Variants in PDE4D observed in about 807,000 individuals in gnomAD.
PDE4D encodes the protein 3',5'-cyclic-AMP phosphodiesterase 4D.
A neutral mutation model predicts 87.4 loss-of-function variants in PDE4D; 24 were observed. That is an observed-to-expected ratio of 0.27 (90% confidence interval 0.20 to 0.39). The LOEUF is 0.39. Ranked by LOEUF, PDE4D falls within the 10% of genes least tolerant of loss-of-function variation. The pLI is 1.00. For synonymous variants in PDE4D, 384 were observed against 383.2 expected (o/e 1.00, Z -0.02); for missense variants, 714 against 1,041.0 (o/e 0.69, Z 4.32).
intron 1 of PDE4D, among the ~76,000 whole-genome samples, chr5:59,287,317 G>T (rs550244142): frequency 1.3e-5 from 2 of 151,842 alleles, no homozygotes; most frequent in African/African-American, 4.8e-5. Flanking sequence ...CACAGGGAGA[G>T]ACTCCTCTGC....
intron 5 of PDE4D, among the ~76,000 whole-genome samples, chr5:59,109,114 T>C (rs1772171246): frequency 6.6e-6 from 1 of 151,922 alleles, no homozygotes; most frequent in Admixed American, 6.6e-5. Context: ...TTACTGATAG[T>C]TGTGACCCAC....
chr5:60,499,715 C>G (rs1749979138), intron 1 of PDE4D, among the ~76,000 whole-genome samples: 1 of 152,050 alleles, frequency 6.6e-6, no homozygotes, highest in African/African-American at 2.4e-5. Context: ...ATTTCAGCAA[C>G]CCGATTGGTC....
intron 1 of PDE4D, among the ~76,000 whole-genome samples, chr5:59,256,108 T>C (rs2153532471): frequency 6.6e-6 from 1 of 152,222 alleles, no homozygotes; most frequent in South Asian, 2.1e-4. Flanking sequence ...ATCCTTAAAG[T>C]AATGCAGCTA....
intron 5 of PDE4D, among the ~76,000 whole-genome samples, chr5:59,103,578 CAGGTTGT>C (rs2153434813): frequency 6.6e-6 from 1 of 152,116 alleles, no homozygotes; most frequent in South Asian, 2.1e-4. Context: ...CTCCTTTAAA[CAGGTTGT>C]AGCTTCCAGG....
intron 1 of PDE4D, among the ~76,000 whole-genome samples, chr5:60,421,773 T>C (rs1743123933): frequency 2.6e-5 from 4 of 152,084 alleles, no homozygotes; most frequent in South Asian, 2.1e-4. Context: ...TTCTAACCCA[T>C]TGAAGGAAGC....
At chr5:60,506,369 C>T (rs1271581234) in intron 1 of PDE4D, among the ~76,000 whole-genome samples, 2 of 152,148 alleles carry the variant, frequency 1.3e-5, no homozygotes, top group Non-Finnish European at 2.9e-5. Context: ...TTGGGAAATC[C>T]CAAAAAGAAT....
At chr5:58,982,655 C>G (rs1745482793) in intron 11 of PDE4D, among the ~76,000 whole-genome samples, 1 of 152,140 alleles carries the variant, frequency 6.6e-6, no homozygotes, top group Non-Finnish European at 1.5e-5. Context: ...TATGGGGGTT[C>G]AGTGTTGGTT....
chr5:59,813,232 T>G (rs922024477), intron 1 of PDE4D, among the ~76,000 whole-genome samples: 2 of 152,208 alleles, frequency 1.3e-5, no homozygotes, highest in African/African-American at 4.8e-5. Flanking sequence ...AAGTCAAGTT[T>G]ACATTGGCTC....
At chr5:60,107,506 G>T (rs578200671) in intron 2 of PDE4D, among the ~76,000 whole-genome samples, 16 of 152,244 alleles carry the variant, frequency 1.1e-4, no homozygotes, top group South Asian at 6.2e-4. Flanking sequence ...TAACTCATTT[G>T]ATGAGGCCAG....
At chr5:59,462,184 A>G (rs907063269) in intron 1 of PDE4D, among the ~76,000 whole-genome samples, 2 of 152,128 alleles carry the variant, frequency 1.3e-5, no homozygotes, top group Non-Finnish European at 2.9e-5. Flanking sequence ...AGAATAGCAA[A>G]TAGAACAACT....
intron 1 of PDE4D, among the ~76,000 whole-genome samples, chr5:59,491,312 T>A (rs1307373798): frequency 2.0e-5 from 3 of 152,236 alleles, no homozygotes; most frequent in African/African-American, 4.8e-5. Flanking sequence ...ATAAAGCAGA[T>A]ACTGCAAAGT....
chr5:59,021,357 G>A (rs1383606966), intron 6 of PDE4D, among the ~76,000 whole-genome samples: 1 of 152,148 alleles, frequency 6.6e-6, no homozygotes, highest in Non-Finnish European at 1.5e-5. Context: ...TATGCAAGCT[G>A]GTAAGGTCTC....
At chr5:60,322,261 T>G (rs913699511) in intron 1 of PDE4D, among the ~76,000 whole-genome samples, 2 of 151,992 alleles carry the variant, frequency 1.3e-5, no homozygotes, top group African/African-American at 4.8e-5. Flanking sequence ...GCAACATGGT[T>G]GAAGCTGGAG....
At chr5:60,317,964 T>C (rs1175025002) in intron 1 of PDE4D, among the ~76,000 whole-genome samples, 3 of 152,224 alleles carry the variant, frequency 2.0e-5, no homozygotes, top group Non-Finnish European at 4.4e-5. Context: ...GTATATTCTG[T>C]AGATTTGGGG....
intron 1 of PDE4D, among the ~76,000 whole-genome samples, chr5:59,359,916 T>C (rs1253526190): frequency 6.6e-6 from 1 of 152,130 alleles, no homozygotes; most frequent in Non-Finnish European, 1.5e-5. Context: ...ATTGCTCCAA[T>C]CCAATTGTTA....
chr5:59,989,762 T>A (rs1762826562), intron 2 of PDE4D, among the ~76,000 whole-genome samples: 1 of 152,182 alleles, frequency 6.6e-6, no homozygotes, highest in South Asian at 2.1e-4. Context: ...CTGGAAAGTC[T>A]ACTCTAGCAA....
At chr5:59,703,221 T>C (rs1752869236) in intron 1 of PDE4D, among the ~76,000 whole-genome samples, 1 of 152,212 alleles carries the variant, frequency 6.6e-6, no homozygotes, top group African/African-American at 2.4e-5. Flanking sequence ...TGCACATGGA[T>C]ATATTGCCTT....
intron 1 of PDE4D, among the ~76,000 whole-genome samples, chr5:59,642,418 TCTTGAATTATA>T (rs1478227592): frequency 6.6e-6 from 1 of 152,174 alleles, no homozygotes; most frequent in Non-Finnish European, 1.5e-5. Context: ...CCAAATCTCA[TCTTGAATTATA>T]CTCCCATAAT....
intron 6 of PDE4D, among the ~76,000 whole-genome samples, chr5:59,020,037 T>C (rs1476772805): frequency 6.6e-6 from 1 of 152,198 alleles, no homozygotes; most frequent in Non-Finnish European, 1.5e-5. Flanking sequence ...GACTGGGTTG[T>C]GGTTGTTTGC....
Sources: allele counts gnomAD v4.1 joint callset (sites outside exome capture counted in the v4.1 genomes callset), GRCh38; gene constraint gnomAD v4.1.1; transcripts MANE v1.5; gene names NCBI Gene and HGNC (gene_info 2026-07-23, HGNC 2026-07-21).